The following GAS7 variants were observed in gnomAD, a reference collection of about 807,000 sequenced individuals.
GAS7 encodes growth arrest-specific protein 7.
GAS7 carries 28 observed loss-of-function variants against 71.1 expected under a neutral mutation model. The observed-to-expected ratio is 0.39, with a 90% CI of 0.29 to 0.54. The LOEUF is 0.54. GAS7 is among the 20% of genes least tolerant of loss of function. GAS7 has a pLI of 0.62. For synonymous variants in GAS7, 258 were observed against 245.8 expected (o/e 1.05, Z -0.46); for missense variants, 436 against 627.8 (o/e 0.69, Z 3.27).
rs2074157784 is a variant in GAS7, at chr17:10,150,591, C to CTTTTTTCTT, written c.183+47616_183+47617insAAGAAAAAA. On this transcript the variant is annotated intron_variant, in intron 1 of 13. Coordinates refer to ENST00000432992, the MANE Select transcript of GAS7 (RefSeq NM_201433.2). ...ACTCAGTAATGAGGCTGTTACATTT[C>CTTTTTTCTT]TTTTTTTTTTTTTTTTAGACAGGGT... is the stretch of plus-strand genomic sequence containing the variant. 1.7e-5 allele frequency among the ~76,000 whole-genome samples: 2 copies of CTTTTTTCTT among 118,956 alleles called. 1 individual carries two copies. The highest frequency in any genetic ancestry group is 6.9e-5 in the African/African-American group (2 of 29,142). The allele number at this position is 118,956 out of a possible 152,430, so 78.0% of individuals were successfully genotyped here.
chr17:9,985,709 T>C (rs1274879704), intron 2 of GAS7, among the ~76,000 whole-genome samples: 1 of 152,164 alleles, frequency 6.6e-6, no homozygotes, highest in East Asian at 1.9e-4. Context: ...AGGCTATGCC[T>C]AGAGTAGGGG....
At chr17:9,989,003 C>T (rs1278703244) in intron 2 of GAS7, among the ~76,000 whole-genome samples, 1 of 152,102 alleles carries the variant, frequency 6.6e-6, no homozygotes, top group Non-Finnish European at 1.5e-5. Context: ...AGCCTGCCAC[C>T]ACGCCCGGCT....
chr17:10,052,300 C>T (rs960527139), intron 1 of GAS7, among the ~76,000 whole-genome samples: 2 of 152,146 alleles, frequency 1.3e-5, no homozygotes, highest in African/African-American at 4.8e-5. Flanking sequence ...AAGTTACAGT[C>T]GAAGCCATGA....
chr17:10,085,755 G>A (rs2073512884), intron 1 of GAS7, among the ~76,000 whole-genome samples: 1 of 150,032 alleles, frequency 6.7e-6, no homozygotes, highest in African/African-American at 2.4e-5. Context: ...ACTGAGTGAT[G>A]TGACAAGCAC....
At chr17:9,996,165 G>C (rs901349415) in intron 2 of GAS7, among the ~76,000 whole-genome samples, 1 of 152,116 alleles carries the variant, frequency 6.6e-6, no homozygotes, top group Non-Finnish European at 1.5e-5. Context: ...CAAAGACTTG[G>C]AACCAAGTCA....
At chr17:10,145,897 A>T (rs912218037) in intron 1 of GAS7, among the ~76,000 whole-genome samples, 4 of 152,208 alleles carry the variant, frequency 2.6e-5, no homozygotes, top group African/African-American at 7.2e-5. Flanking sequence ...AAGAACAACC[A>T]TCTCAACAAT....
intron 1 of GAS7, among the ~76,000 whole-genome samples, chr17:10,113,189 A>G (rs1251229872): frequency 6.6e-6 from 1 of 152,176 alleles, no homozygotes; most frequent in African/African-American, 2.4e-5. Flanking sequence ...AAAGTGCACG[A>G]TGCTGGCAAG....
At chr17:9,998,831 A>G (rs1273184543) in intron 2 of GAS7, among the ~76,000 whole-genome samples, 1 of 151,360 alleles carries the variant, frequency 6.6e-6, no homozygotes, top group African/African-American at 2.5e-5. Context: ...ATATCCCTCT[A>G]ATAAATGCCC....
chr17:9,927,290 TACACACACACACACACACAC>T (rs371084335), intron 9 of GAS7, among the ~76,000 whole-genome samples: 13 of 116,940 alleles, frequency 1.1e-4, no homozygotes, highest in Middle Eastern at 4.1e-3. Flanking sequence ...CTCTACTACA[TACACACACACACACACACAC>T]ACACACACAC....
chr17:10,058,588 C>A (rs2073180292), intron 1 of GAS7, among the ~76,000 whole-genome samples: 1 of 152,242 alleles, frequency 6.6e-6, no homozygotes, highest in Non-Finnish European at 1.5e-5. Context: ...CATCTTCGGA[C>A]AACTCCTCTG....
At chr17:10,006,800 G>C (rs1254421789) in intron 2 of GAS7, among the ~76,000 whole-genome samples, 1 of 152,106 alleles carries the variant, frequency 6.6e-6, no homozygotes, top group Non-Finnish European at 1.5e-5. Context: ...ATAAAGGCTG[G>C]AAAATATACA....
intron 1 of GAS7, among the ~76,000 whole-genome samples, chr17:10,096,545 A>C (rs2073642987): frequency 6.6e-6 from 1 of 152,058 alleles, no homozygotes; most frequent in Non-Finnish European, 1.5e-5. Flanking sequence ...ATGGCACTCC[A>C]TTTTCCTGTG....
In GAS7 at chr17:10,010,258, T is replaced by C. The variant is rs535414093; in HGVS notation, c.304+9519A>G. ...TCCACCTCCTGGGTTCACGCCATTC[T>C]CCTGCCTCAGCCTCCCGAGTAGCTG... On this transcript the variant is annotated intron_variant, in intron 2 of 13. Transcript: ENST00000432992. Among the ~76,000 whole-genome samples, 18 of 152,178 alleles carry C rather than the reference T, an allele frequency of 1.2e-4. No individual in the cohort carries two copies. In the East Asian group the frequency reaches 3.5e-3, roughly 29 times the overall value.
At chr17:10,133,994 G>C (rs2074019073) in intron 1 of GAS7, among the ~76,000 whole-genome samples, 1 of 151,864 alleles carries the variant, frequency 6.6e-6, no homozygotes, top group Non-Finnish European at 1.5e-5. Context: ...CATCATGACA[G>C]CACTGATTTG....
intron 8 of GAS7, among the ~76,000 whole-genome samples, chr17:9,935,410 C>T (rs2068364754): frequency 6.6e-6 from 1 of 152,242 alleles, no homozygotes; most frequent in African/African-American, 2.4e-5. Flanking sequence ...AACCGCATGA[C>T]CCTTCCAAGT....
At chr17:9,967,507 C>T (rs1238480746) in intron 4 of GAS7, among the ~76,000 whole-genome samples, 2 of 152,152 alleles carry the variant, frequency 1.3e-5, no homozygotes, top group African/African-American at 4.8e-5. Context: ...GCAGACAGAG[C>T]CACCGTACGT....
chr17:9,936,647 T>C (rs1295317861), intron 8 of GAS7, among the ~76,000 whole-genome samples: 1 of 152,164 alleles, frequency 6.6e-6, no homozygotes, highest in African/African-American at 2.4e-5. Flanking sequence ...CACCATTTAT[T>C]AAAAAGCTAC....
intron 5 of GAS7, among the ~76,000 whole-genome samples, chr17:9,954,487 G>A (rs1004029886): frequency 3.7e-5 from 4 of 108,728 alleles, no homozygotes; most frequent in African/African-American, 1.0e-4. Context: ...GGTGGGGGGT[G>A]GGGGGTCATG....
intron 12 of GAS7, among the ~76,000 whole-genome samples, chr17:9,918,838 T>C (rs1233934462): frequency 6.6e-6 from 1 of 152,142 alleles, no homozygotes; most frequent in Non-Finnish European, 1.5e-5. Flanking sequence ...CCCAGGTGAT[T>C]AATCAGAAAG....
Sources: gnomAD v4.1 joint callset for allele counts (sites outside exome capture counted in the v4.1 genomes callset) on GRCh38, gnomAD v4.1.1 for gene constraint, MANE v1.5 for transcripts, NCBI Gene and HGNC (gene_info 2026-07-23, HGNC 2026-07-21) for gene names.